Variants in STARD10 observed in about 807,000 individuals in gnomAD.
The protein encoded by STARD10 is StAR related lipid transfer domain containing 10, also known as START domain-containing protein 10.
In STARD10, 24 loss-of-function variants were observed where a neutral mutation model predicts 36.0. That is an observed-to-expected ratio of 0.67 (90% CI 0.48 to 0.94). STARD10 has a LOEUF of 0.94. Among genes scored for constraint, STARD10 ranks in the 40% least tolerant of loss-of-function variants. The pLI is 0.00. For synonymous variants in STARD10, 156 were observed against 161.9 expected (o/e 0.96, Z 0.28); for missense variants, 335 against 396.6 (o/e 0.84, Z 1.32).
intron 2 of STARD10, among the ~76,000 whole-genome samples, chr11:72,777,429 G>A (rs531662916): frequency 3.9e-4 from 59 of 152,208 alleles, no homozygotes; most frequent in Non-Finnish European, 7.6e-4. Context: ...GACCCCAGCT[G>A]GCCCTGGTTG....
rs367628655 is a variant in STARD10 at position 72,754,891 on chromosome 11, C to T, written c.*6G>A. ...TCCTGTCTCCGTCCCTGAAGCGGTG[C>T]GGCGCTCAGGTGAGCGAGGTGTCGT... On this transcript the variant is annotated 3_prime_UTR_variant, in exon 7 of 7. Transcript: ENST00000334805. The T allele has an allele frequency of 5.5e-5, 87 of 1,595,190 alleles. No individual in the cohort carries two copies. Among genetic ancestry groups the T allele is most frequent in the East Asian group, 9.0e-5 (4 of 44,666 alleles).
chr11:72,769,552 C>T (rs1265654574), intron 2 of STARD10, among the ~76,000 whole-genome samples: 2 of 152,014 alleles, frequency 1.3e-5, no homozygotes, highest in Non-Finnish European at 2.9e-5. Context: ...TCATGTTGCC[C>T]AGGCTGGTCT....
chr11:72,774,497 C>A (rs1565242497), intron 2 of STARD10, among the ~76,000 whole-genome samples: 1 of 152,186 alleles, frequency 6.6e-6, no homozygotes, highest in Non-Finnish European at 1.5e-5. Context: ...ACTTTTGAGT[C>A]TCCAGGGGCC....
At chr11:72,756,599 C>T (rs1461807741) in intron 5 of STARD10, among the ~76,000 whole-genome samples, 1 of 151,948 alleles carries the variant, frequency 6.6e-6, no homozygotes, top group South Asian at 2.1e-4. Context: ...GGGGAGGCTT[C>T]GGGGAAGGGC....
chr11:72,758,483 C>T (rs1170338015), intron 4 of STARD10, 47 bp downstream of exon 4: 2 of 1,525,448 alleles, frequency 1.3e-6, no homozygotes, highest in Admixed American at 3.4e-5. Flanking sequence ...CCTTGCGCTG[C>T]CTGACCCTCT....
chr11:72,780,358 C>A, intron 2 of STARD10: 1 of 420,708 alleles, frequency 2.4e-6, no homozygotes, highest in Non-Finnish European at 4.9e-6. Flanking sequence ...CTTCCTTCCC[C>A]AGCCCACCTG....
intron 2 of STARD10, among the ~76,000 whole-genome samples, chr11:72,771,301 G>A (rs545691550): frequency 6.6e-6 from 1 of 152,206 alleles, no homozygotes; most frequent in Non-Finnish European, 1.5e-5. Flanking sequence ...TGTGTGTGGA[G>A]TTCAGGGGAT....
At position 72,755,155 on chromosome 11, in the gene STARD10, C is replaced by G; in HGVS notation, c.631-13G>C. ...TCTTCTTCATGGCCTGTGGGCCCGC[C>G]GCCCCGCCGGGTCAGGGGGTGGCTA... On this transcript the variant is annotated splice_polypyrimidine_tract_variant and intron_variant, in intron 6 of 6. Coordinates refer to ENST00000334805, the MANE Select transcript of STARD10 (RefSeq NM_006645.3). 2 of 1,605,656 alleles carry G rather than the reference C, an allele frequency of 1.2e-6. No homozygotes were observed. Among genetic ancestry groups the G allele is most frequent in the Non-Finnish European group, 1.7e-6 (2 of 1,175,098 alleles).
intron 2 of STARD10, among the ~76,000 whole-genome samples, chr11:72,769,233 C>T (rs183076942): frequency 6.6e-6 from 1 of 152,070 alleles, no homozygotes; most frequent in Non-Finnish European, 1.5e-5. Flanking sequence ...CCGATTTATG[C>T]TCAGTAAATT....
At chr11:72,773,830 C>T (rs1033539437) in intron 2 of STARD10, among the ~76,000 whole-genome samples, 5 of 152,250 alleles carry the variant, frequency 3.3e-5, no homozygotes, top group Middle Eastern at 3.2e-3. Context: ...TTTTGCTCGT[C>T]ACCCGTTCAG....
In STARD10 at chr11:72,762,744, A is replaced by G. The variant is rs551723913; in HGVS notation, c.208-3363T>C. ...GGGATCAGGCTTCATGGAGAATCTCAGTGCAGGAGGTAGGGGTTTGCCAAG... is the reference window on the plus strand; with the variant it reads ...GGGATCAGGCTTCATGGAGAATCTCGGTGCAGGAGGTAGGGGTTTGCCAAG... On this transcript the variant is annotated intron_variant, in intron 2 of 6. Coordinates refer to ENST00000334805, the MANE Select transcript of STARD10 (RefSeq NM_006645.3). 1.8e-4 allele frequency among the ~76,000 whole-genome samples: 28 copies of G among 152,274 alleles called. No individual in the cohort carries two copies. The South Asian group carries it at 5.8e-3, about 32-fold the overall frequency.
intron 5 of STARD10, among the ~76,000 whole-genome samples, chr11:72,756,501 G>C (rs1404522081): frequency 1.3e-5 from 2 of 152,120 alleles, no homozygotes; most frequent in Admixed American, 1.3e-4. Context: ...TACTAGAGGG[G>C]AATGGACTAC....
intron 1 of STARD10, among the ~76,000 whole-genome samples, chr11:72,792,018 GC>G (rs1859149254): frequency 6.7e-6 from 1 of 149,584 alleles, no homozygotes; most frequent in Non-Finnish European, 1.5e-5. Flanking sequence ...GGGACTACCG[GC>G]ATACACCACC....
chr11:72,769,370 G>C (rs942201029), intron 2 of STARD10, among the ~76,000 whole-genome samples: 1 of 152,146 alleles, frequency 6.6e-6, no homozygotes, highest in East Asian at 1.9e-4. Context: ...CATTATTCTA[G>C]AAAATAATTT....
chr11:72,771,651 T>G (rs1858859991), intron 2 of STARD10, among the ~76,000 whole-genome samples: 1 of 152,038 alleles, frequency 6.6e-6, no homozygotes, highest in Non-Finnish European at 1.5e-5. Context: ...CTCTGCCTCT[T>G]TCCCCCTTCC....
rs1859176848 is a variant in STARD10, at chr11:72,793,611, G to A, written c.-850C>T. On this transcript the variant is annotated 5_prime_UTR_variant, in exon 1 of 7. Coordinates refer to ENST00000334805, the MANE Select transcript of STARD10 (RefSeq NM_006645.3). The stretch of plus-strand genomic sequence containing the variant: ...ATTCCTTGTGAATCATAAAAGAAAG[G>A]ACCACAGAACGATGACTGGACCGTT... The A allele has an allele frequency of 6.6e-6, 1 of 152,270 alleles. No individual in the cohort carries two copies. Among genetic ancestry groups the A allele is most frequent in the African/African-American group, 2.4e-5 (1 of 41,470 alleles). 9.4% of individuals were successfully genotyped at this position (152,270 alleles called of 1,614,324 possible).
chr11:72,779,551 A>G (rs564946876), intron 2 of STARD10, among the ~76,000 whole-genome samples: 10 of 152,042 alleles, frequency 6.6e-5, no homozygotes, highest in African/African-American at 2.4e-4. Context: ...TCTCGCTACT[A>G]CACTTCAGCC....
chr11:72,771,019 C>CTAAG (rs1481650812), intron 2 of STARD10, among the ~76,000 whole-genome samples: 1 of 152,214 alleles, frequency 6.6e-6, no homozygotes, highest in African/African-American at 2.4e-5. Flanking sequence ...AGGCTCTGTG[C>CTAAG]TAAGAGGTTG....
At chr11:72,774,937 G>A (rs1858910889) in intron 2 of STARD10, among the ~76,000 whole-genome samples, 1 of 152,232 alleles carries the variant, frequency 6.6e-6, no homozygotes, top group Admixed American at 6.5e-5. Context: ...GCTGGAAACT[G>A]AGCTGGGGCT....
Sources: allele counts gnomAD v4.1 joint callset (sites outside exome capture counted in the v4.1 genomes callset), GRCh38; gene constraint gnomAD v4.1.1; transcripts MANE v1.5; gene names NCBI Gene and HGNC (gene_info 2026-07-23, HGNC 2026-07-21).